PRTN3: variants seen among roughly 807,000 people sequenced by gnomAD.
PRTN3 encodes myeloblastin.
A neutral mutation model predicts 20.7 loss-of-function variants in PRTN3; 22 were observed. The observed-to-expected ratio is 1.06, with a 90% CI of 0.76 to 1.52. The LOEUF (loss-of-function observed/expected upper bound fraction) is 1.52, where lower values mean the gene tolerates loss of function less well. Ranked by LOEUF, PRTN3 falls within the 40% of genes most tolerant of loss-of-function variation. The probability of loss-of-function intolerance (pLI) is 0.00; values close to 1 mark genes in which losing one functional copy is unlikely to be tolerated. For missense variants in PRTN3, 378 were observed against 359.6 expected, an observed-to-expected ratio of 1.05 and a Z score of -0.41; for synonymous variants, 173 against 152.9, an observed-to-expected ratio of 1.13 and a Z score of -0.97.
Position 843,767 on chromosome 19 carries a change from G to C in PRTN3, c.228-126G>C. On this transcript the variant is annotated intron_variant, in intron 2 of 4. Coordinates refer to ENST00000234347, the MANE Select transcript of PRTN3 (RefSeq NM_002777.4). ...AGGCCCCGCGCGCGTGGGCAGTTCTGGGGGGAGGCCCGGGGCAGGGTCGCC... is the reference window on the plus strand; with the variant it reads ...AGGCCCCGCGCGCGTGGGCAGTTCTCGGGGGAGGCCCGGGGCAGGGTCGCC... 5 of 1,452,770 alleles carry C rather than the reference G, an allele frequency of 3.4e-6. No homozygotes were observed. The South Asian group carries it at 4.2e-5, about 12-fold the overall frequency. The allele number at this position is 1,452,770 out of a possible 1,614,324, so 90.0% of individuals were successfully genotyped here.
At chr19:842,184 C>A (rs1714796922) in intron 1 of PRTN3, among the ~76,000 whole-genome samples, 1 of 151,738 alleles carries the variant, frequency 6.6e-6, no homozygotes, top group African/African-American at 2.4e-5. Flanking sequence ...CACCACCACA[C>A]CTGGCTAGTT....
intron 1 of PRTN3, 111 bp downstream of exon 1, chr19:841,180 G>A (rs2035433256): frequency 7.2e-7 from 1 of 1,393,378 alleles, no homozygotes; most frequent in Non-Finnish European, 9.8e-7. Flanking sequence ...GGGAAACTGA[G>A]GCAGGGTCAG....
chr19:846,475 G>T, intron 4 of PRTN3, 98 bp downstream of exon 4: 1 of 1,242,260 alleles, frequency 8.0e-7, no homozygotes. Context: ...GTGGCTTCAT[G>T]CTGTGCCTCA....
At chr19:842,914 T>G (rs2035464070) in intron 1 of PRTN3, among the ~76,000 whole-genome samples, 1 of 149,166 alleles carries the variant, frequency 6.7e-6, no homozygotes, top group Admixed American at 6.7e-5. Flanking sequence ...TTAAAAACAT[T>G]TTTTTAAATT....
At chr19:844,267 G>GCGCGCGCCTCTCCCCCGCC (rs2035486992) in intron 3 of PRTN3, among the ~76,000 whole-genome samples, 3 of 11,094 alleles carry the variant, frequency 2.7e-4, no homozygotes, top group Non-Finnish European at 4.5e-4. Flanking sequence ...CCTCTCCCCT[G>GCGCGCGCCTCTCCCCCGCC]CGCGCCTCTC....
At chr19:844,355 CGCCTCTCCCCTGCAT>C (rs1325924366) in intron 3 of PRTN3, among the ~76,000 whole-genome samples, 1 of 108,544 alleles carries the variant, frequency 9.2e-6, no homozygotes, top group African/African-American at 3.9e-5. Flanking sequence ...CCCCTGCCCG[CGCCTCTCCCCTGCAT>C]GCCTCTCCCT....
chr19:843,709 G>C (rs1261641625), intron 2 of PRTN3, 83 bp downstream of exon 2: 1 of 1,490,214 alleles, frequency 6.7e-7, no homozygotes, highest in African/African-American at 1.4e-5. Flanking sequence ...CTCTGCCCGG[G>C]GAGGACCCAG....
rs191933742 is a variant in PRTN3, at chr19:846,026, G to A, written c.370-121G>A. The A allele has an allele frequency of 9.9e-5, 61 of 617,152 alleles. No individual in the cohort carries two copies. The East Asian group carries it at 1.6e-3, about 16-fold the overall frequency. 38.2% of individuals were successfully genotyped at this position (617,152 alleles called of 1,614,324 possible). Reference sequence around the variant, plus strand: ...ACAAAGGGGGTCGTGGGGCCCAGGCGGAGGGAGCGGCATCCGCGGCGTTTT... The same window carrying A: ...ACAAAGGGGGTCGTGGGGCCCAGGCAGAGGGAGCGGCATCCGCGGCGTTTT... On this transcript the variant is annotated intron_variant, in intron 3 of 4. Transcript: ENST00000234347.
Position 843,933 on chromosome 19 carries a change from G to A in PRTN3, c.268G>A (p.Val90Met), listed in dbSNP as rs1237818211. 4.4e-6 allele frequency: 7 copies of A among 1,599,202 alleles called. No homozygotes were observed. The highest frequency in any genetic ancestry group is 6.0e-6 in the Non-Finnish European group (7 of 1,173,914). The change falls in exon 3 of 5, where the codon GTG (valine) becomes ATG (methionine). Residue 90 changes from valine (V) to methionine (M), a missense_variant. Physicochemically the swap from Val to Met is conservative, Grantham distance 21. Coordinates refer to ENST00000234347, the MANE Select transcript of PRTN3 (RefSeq NM_002777.4). Reference sequence around the variant, plus strand: ...GAACGTGGTGCTCGGAGCCCACAACGTGCGGACGCAGGAGCCCACCCAGCA... The same window carrying A: ...GAACGTGGTGCTCGGAGCCCACAACATGCGGACGCAGGAGCCCACCCAGCA... Reference protein sequence around the residue: ...LVNVVLGAHNVRTQEPTQQHF... With the variant: ...LVNVVLGAHNMRTQEPTQQHF...
chr19:845,289 A>G (rs924335876), intron 3 of PRTN3, among the ~76,000 whole-genome samples: 2 of 151,734 alleles, frequency 1.3e-5, no homozygotes, highest in African/African-American at 4.8e-5. Flanking sequence ...ATGGTAGCAC[A>G]CGCCAAGCCA....
chr19:842,480 T>A (rs1296132502), intron 1 of PRTN3, among the ~76,000 whole-genome samples: 3 of 125,966 alleles, frequency 2.4e-5, no homozygotes, highest in African/African-American at 9.2e-5. Context: ...AGTGCAGTGG[T>A]GTGATCTCGG....
intron 1 of PRTN3, 117 bp downstream of exon 1, chr19:841,186 G>C (rs2035433298): frequency 1.5e-6 from 2 of 1,346,954 alleles, no homozygotes; most frequent in Non-Finnish European, 1.0e-6. Flanking sequence ...CTGAGGCAGG[G>C]TCAGGGGAGA....
In PRTN3 at chr19:846,365, C is replaced by T. The variant is rs112269312; in HGVS notation, c.588C>T (p.Ala196=). ...GCACTTTCGTCCCTCGCCGCAAGGC[C>T]GGCATCTGCTTCGTAAGTAACCGTG... is the stretch of plus-strand genomic sequence containing the variant. ...NICTFVPRRK[A]GICFGDSGGP... is the part of the protein sequence containing the mutation. Residue 196 remains alanine, a synonymous_variant, in exon 4 of 5, where the codon GCC becomes GCT. Coordinates refer to ENST00000234347, the MANE Select transcript of PRTN3 (RefSeq NM_002777.4). The T allele has an allele frequency of 6.4e-5, 100 of 1,555,516 alleles. No homozygotes were observed. In the East Asian group the frequency reaches 1.6e-3, roughly 24 times the overall value.
At chr19:841,749 A>C (rs1228554619) in intron 1 of PRTN3, among the ~76,000 whole-genome samples, 1 of 122,512 alleles carries the variant, frequency 8.2e-6, no homozygotes, top group Admixed American at 9.4e-5. Flanking sequence ...TTTTTTTGAG[A>C]CGGAGTCTCG....
chr19:846,044 G>A (rs1187506451), intron 3 of PRTN3, 103 bp from the exon 4 acceptor site: 11 of 767,960 alleles, frequency 1.4e-5, no homozygotes, highest in South Asian at 2.2e-5. Context: ...CGGCATCCGC[G>A]GCGTTTTGAG....
rs1336399211 is a variant in PRTN3 at position 843,538 on chromosome 19, A to C, written c.139A>C (p.Met47Leu). The stretch of plus-strand genomic sequence containing the variant: ...CCGGCCCTACATGGCCTCCCTGCAG[A>C]TGCGGGGGAACCCGGGCAGCCACTT... The part of the protein sequence containing the change: ...HSRPYMASLQ[M>L]RGNPGSHFCG... The change falls in exon 2 of 5, where the codon ATG (methionine) becomes CTG (leucine). Residue 47 changes from methionine (M) to leucine (L), a missense_variant. Transcript: ENST00000234347. 1.3e-6 allele frequency: 2 copies of C among 1,597,490 alleles called. No homozygotes were observed. The highest frequency in any genetic ancestry group is 1.7e-6 in the Non-Finnish European group (2 of 1,174,686).
rs1214318289 is a variant in PRTN3 at position 846,367 on chromosome 19, G to A, written c.590G>A (p.Gly197Asp). 6.4e-7 allele frequency: 1 copy of A among 1,554,672 alleles called. No individual in the cohort carries two copies. Among genetic ancestry groups the A allele is most frequent in the Non-Finnish European group, 8.7e-7 (1 of 1,150,130 alleles). ...ICTFVPRRKA[G>D]ICFGDSGGPL... ...ACTTTCGTCCCTCGCCGCAAGGCCGGCATCTGCTTCGTAAGTAACCGTGCC... is the reference window on the plus strand; with the variant it reads ...ACTTTCGTCCCTCGCCGCAAGGCCGACATCTGCTTCGTAAGTAACCGTGCC... The change falls in exon 4 of 5, where the codon GGC becomes GAC. Residue 197 changes from glycine to aspartate, a missense_variant. Physicochemically the swap from Gly to Asp is moderately conservative, Grantham distance 94. Transcript: ENST00000234347.
rs1394243652 is a variant in PRTN3, at chr19:843,581, TC to T, written c.184del (p.His62ThrfsTer6). ...AGCCACTTCTGCGGAGGCACCTTGA[TC>T]CACCCCAGCTTCGTGCTGACGGCCG... ...PGSHFCGGTL[I>X]HPSFVLTAAH... On this transcript the variant is annotated frameshift_variant, in exon 2 of 5. Transcript: ENST00000234347. LOFTEE classifies it high-confidence loss of function. 17 of 1,602,272 alleles carry T rather than the reference TC, an allele frequency of 1.1e-5. No individual in the cohort carries two copies. Among genetic ancestry groups the T allele is most frequent in the Non-Finnish European group, 1.4e-5 (16 of 1,177,940 alleles).
At position 843,789 on chromosome 19, in the gene PRTN3, C is replaced by T. The variant is rs1599282638; in HGVS notation, c.228-104C>T. 7 of 1,456,474 alleles carry T rather than the reference C, an allele frequency of 4.8e-6. No individual in the cohort carries two copies. In the East Asian group the frequency reaches 1.8e-4, roughly 37 times the overall value. The allele number at this position is 1,456,474 out of a possible 1,614,324, so 90.2% of individuals were successfully genotyped here. ...TCTGGGGGGAGGCCCGGGGCAGGGT[C>T]GCCGAGGGAGGGGTCTGGGGCTGCA... On this transcript the variant is annotated intron_variant, in intron 2 of 4. Transcript: ENST00000234347.
Sources: gnomAD v4.1 joint callset for allele counts (sites outside exome capture counted in the v4.1 genomes callset) on GRCh38, gnomAD v4.1.1 for gene constraint, MANE v1.5 for transcripts, NCBI Gene and HGNC (gene_info 2026-07-23, HGNC 2026-07-21) for gene names.